Variants in NALCN observed in about 807,000 individuals in gnomAD.
The protein encoded by NALCN is sodium leak channel NALCN.
In NALCN, 111 loss-of-function variants were observed where a neutral mutation model predicts 225.3. That is an observed-to-expected ratio of 0.49 (90% CI 0.42 to 0.58). NALCN has a LOEUF of 0.58. Ranked by LOEUF, NALCN falls within the 20% of genes least tolerant of loss-of-function variation. The pLI is 0.00. For synonymous variants in NALCN, 764 were observed against 769.0 expected, an observed-to-expected ratio of 0.99 and a Z score of 0.11; for missense variants, 1,378 against 2,202.4, an observed-to-expected ratio of 0.63 and a Z score of 7.49.
intron 7 of NALCN, among the ~76,000 whole-genome samples, chr13:101,314,189 A>T (rs991316926): frequency 6.7e-6 from 1 of 150,280 alleles, no homozygotes; most frequent in Non-Finnish European, 1.5e-5. Flanking sequence ...GAGGGATAGC[A>T]TTTGGAGATA....
At chr13:101,358,916 C>A (rs111887096) in intron 6 of NALCN, among the ~76,000 whole-genome samples, 5 of 151,590 alleles carry the variant, frequency 3.3e-5, no homozygotes. Context: ...AAGCTGGAAG[C>A]CATCACCTTC....
chr13:101,187,265 T>A (rs897402629), intron 14 of NALCN, among the ~76,000 whole-genome samples: 1 of 152,220 alleles, frequency 6.6e-6, no homozygotes, highest in Non-Finnish European at 1.5e-5. Context: ...TTAAACTTTA[T>A]CAAAGTTATG....
intron 10 of NALCN, among the ~76,000 whole-genome samples, chr13:101,263,295 A>T (rs2140232180): frequency 6.6e-6 from 1 of 152,356 alleles, no homozygotes; most frequent in South Asian, 2.1e-4. Context: ...GAAATGACTG[A>T]CCTTCATAAC....
chr13:101,169,355 T>C (rs900662281), intron 15 of NALCN, among the ~76,000 whole-genome samples: 4 of 152,226 alleles, frequency 2.6e-5, no homozygotes, highest in African/African-American at 9.7e-5. Context: ...TTTTTATTTA[T>C]TTTTAGATTT....
chr13:101,128,313 A>G (rs2036341535), intron 17 of NALCN, among the ~76,000 whole-genome samples: 1 of 152,238 alleles, frequency 6.6e-6, no homozygotes. Flanking sequence ...AGATATTTTA[A>G]GTCTTGAACT....
chr13:101,120,731 G>C (rs1459375114), intron 18 of NALCN, among the ~76,000 whole-genome samples: 1 of 152,150 alleles, frequency 6.6e-6, no homozygotes, highest in Non-Finnish European at 1.5e-5. Flanking sequence ...TGTAAAGAAT[G>C]GATTACTCAA....
chr13:101,162,305 T>C (rs1268728771), intron 15 of NALCN, among the ~76,000 whole-genome samples: 1 of 152,252 alleles, frequency 6.6e-6, no homozygotes, highest in African/African-American at 2.4e-5. Flanking sequence ...TACTTATTAT[T>C]GTACCTGGCC....
At chr13:101,259,969 CTATT>C (rs1566498096) in intron 10 of NALCN, among the ~76,000 whole-genome samples, 1 of 134,522 alleles carries the variant, frequency 7.4e-6, no homozygotes, top group African/African-American at 2.6e-5. Context: ...TAGGTCTTAT[CTATT>C]CTTTCTATTT....
Position 101,399,183 on chromosome 13 carries a change from T to C in NALCN, c.-39-18A>G. ...ACCACAGTCTGGGAAAAGGAAAAGT[T>C]GTATTTGTCATCTAAACCATCTTGC... is the stretch of plus-strand genomic sequence containing the variant. On this transcript the variant is annotated intron_variant, in intron 1 of 43. Transcript: ENST00000251127. 1 of 1,600,366 alleles carries C rather than the reference T, an allele frequency of 6.2e-7. No individual in the cohort carries two copies. The highest frequency in any genetic ancestry group is 8.5e-7 in the Non-Finnish European group (1 of 1,170,834).
intron 10 of NALCN, among the ~76,000 whole-genome samples, chr13:101,261,167 C>A (rs1294965303): frequency 2.0e-5 from 3 of 152,146 alleles, no homozygotes; most frequent in Non-Finnish European, 4.4e-5. Context: ...AAAATGAGTT[C>A]ACTGTAGGTG....
At chr13:101,381,645 C>T (rs2046851592) in intron 3 of NALCN, among the ~76,000 whole-genome samples, 1 of 152,054 alleles carries the variant, frequency 6.6e-6, no homozygotes, top group Non-Finnish European at 1.5e-5. Flanking sequence ...TCATAAGCAT[C>T]CCTTTAACCT....
intron 10 of NALCN, among the ~76,000 whole-genome samples, chr13:101,270,644 G>A (rs1050759342): frequency 1.1e-4 from 17 of 152,142 alleles, no homozygotes; most frequent in African/African-American, 1.9e-4. Context: ...AAACAAATGC[G>A]AAGGACTGAA....
intron 10 of NALCN, among the ~76,000 whole-genome samples, chr13:101,273,171 G>A (rs1222341709): frequency 1.3e-5 from 2 of 152,182 alleles, no homozygotes; most frequent in Non-Finnish European, 2.9e-5. Context: ...AAAGTGTGCA[G>A]CCACATCTGT....
chr13:101,083,233 ACACAGGT>A, intron 31 of NALCN, 35 bp from the exon 32 acceptor site: 1 of 1,515,290 alleles, frequency 6.6e-7, no homozygotes. Context: ...GGCATTTTAG[ACACAGGT>A]CACATTTACT....
At chr13:101,068,978 C>CA (rs2032644851) in intron 37 of NALCN, 151 bp from the exon 38 acceptor site, 1 of 726,086 alleles carries the variant, frequency 1.4e-6, no homozygotes, top group Admixed American at 4.0e-5. Context: ...TTGGGTACAT[C>CA]ATCTGTAGCA....
chr13:101,354,564 T>A (rs2045995714), intron 6 of NALCN, among the ~76,000 whole-genome samples: 3 of 152,162 alleles, frequency 2.0e-5, no homozygotes, highest in Admixed American at 1.3e-4. Flanking sequence ...GTTGACATAA[T>A]GGAAAGGGGC....
chr13:101,206,821 T>C (rs772181732), intron 13 of NALCN, among the ~76,000 whole-genome samples: 4 of 151,678 alleles, frequency 2.6e-5, no homozygotes, highest in Non-Finnish European at 5.9e-5. Flanking sequence ...GGCATACAAA[T>C]GTACTTGAAT....
intron 11 of NALCN, among the ~76,000 whole-genome samples, chr13:101,256,712 C>T (rs527465525): frequency 2.2e-4 from 33 of 151,660 alleles, no homozygotes; most frequent in African/African-American, 8.0e-4. Context: ...TTGTTCTTTC[C>T]CTGTGTTAGA....
intron 27 of NALCN, among the ~76,000 whole-genome samples, chr13:101,100,167 C>G (rs545057497): frequency 6.6e-6 from 1 of 152,242 alleles, no homozygotes; most frequent in Non-Finnish European, 1.5e-5. Context: ...GGGGAGAAAG[C>G]TGAGAGTGGG....
Sources: allele counts gnomAD v4.1 joint callset (sites outside exome capture counted in the v4.1 genomes callset), GRCh38; gene constraint gnomAD v4.1.1; transcripts MANE v1.5; gene names NCBI Gene and HGNC (gene_info 2026-07-23, HGNC 2026-07-21).